ACO1: variants seen among roughly 807,000 people sequenced by gnomAD.
The protein encoded by ACO1 is aconitase 1, also known as cytoplasmic aconitate hydratase.
In ACO1, 78 loss-of-function variants were observed where a neutral mutation model predicts 105.1. The ratio of observed to expected loss-of-function variants is 0.74; its 90% CI spans 0.62 to 0.90. The LOEUF (loss-of-function observed/expected upper bound fraction) is 0.90. Among genes scored for constraint, ACO1 ranks in the 40% least tolerant of loss-of-function variants. The probability of loss-of-function intolerance (pLI) is 0.00; values close to 1 mark genes in which losing one functional copy is unlikely to be tolerated. For missense variants in ACO1, 965 were observed against 1,111.1 expected, an observed-to-expected ratio of 0.87 and a Z score of 1.87; for synonymous variants, 364 against 397.4, an observed-to-expected ratio of 0.92 and a Z score of 1.00.
chr9:32,450,308 T>A lies in ACO1; in HGVS notation c.*197T>A, dbSNP rs765920573. 7.5e-6 allele frequency: 5 copies of A among 669,342 alleles called. No individual in the cohort carries two copies. Among genetic ancestry groups the A allele is most frequent in the South Asian group, 1.6e-5 (1 of 63,228 alleles). The allele number at this position is 669,342 out of a possible 1,614,324, so 41.5% of individuals were successfully genotyped here. On this transcript the variant is annotated 3_prime_UTR_variant, in exon 21 of 21. Coordinates refer to ENST00000309951, the MANE Select transcript of ACO1 (RefSeq NM_002197.3). ...ACATTCTCTATTTTTGTTAATCATCTTCTCTTTTTCCAGAATTTGGAAGCT... is the reference window on the plus strand; with the variant it reads ...ACATTCTCTATTTTTGTTAATCATCATCTCTTTTTCCAGAATTTGGAAGCT...
chr9:32,425,282 C>T (rs1221090365), intron 10 of ACO1, among the ~76,000 whole-genome samples: 1 of 152,180 alleles, frequency 6.6e-6, no homozygotes, highest in African/African-American at 2.4e-5. Flanking sequence ...GGTAGATTTT[C>T]AATGAACATT....
rs994402725 is a variant in ACO1, at chr9:32,452,140, C to T, written c.*2029C>T. 1.3e-4 allele frequency: 20 copies of T among 152,178 alleles called. No homozygotes were observed. The highest frequency in any genetic ancestry group is 4.8e-4 in the African/African-American group (20 of 41,434). The allele number at this position is 152,178 out of a possible 1,614,324, so 9.4% of individuals were successfully genotyped here. ...CTGTGATCCTCAAGTTAAGATCAGT[C>T]CTAGAATAAAAACACTAAGAATGGC... is the stretch of plus-strand genomic sequence containing the variant. On this transcript the variant is annotated 3_prime_UTR_variant, in exon 21 of 21. Coordinates refer to ENST00000309951, the MANE Select transcript of ACO1 (RefSeq NM_002197.3).
intron 9 of ACO1, among the ~76,000 whole-genome samples, chr9:32,423,777 G>C: frequency 6.6e-6 from 1 of 152,132 alleles, no homozygotes; most frequent in East Asian, 1.9e-4. Flanking sequence ...GGAGGTGAAG[G>C]ATAAAAGATT....
At chr9:32,402,727 C>T (rs1178968146) in intron 1 of ACO1, among the ~76,000 whole-genome samples, 1 of 152,206 alleles carries the variant, frequency 6.6e-6, no homozygotes, top group Non-Finnish European at 1.5e-5. Context: ...GATCTTTCTT[C>T]TCACACCTCT....
chr9:32,392,488 G>A (rs1325198625), intron 1 of ACO1, among the ~76,000 whole-genome samples: 1 of 152,162 alleles, frequency 6.6e-6, no homozygotes, highest in Non-Finnish European at 1.5e-5. Context: ...GCACTCATGG[G>A]ATAATGCCTG....
At chr9:32,433,639 T>C in intron 15 of ACO1, 89 bp from the exon 16 acceptor site, 1 of 982,980 alleles carries the variant, frequency 1.0e-6, no homozygotes. Context: ...TTAGTGTACC[T>C]TTTAGCTTGA....
chr9:32,415,549 C>CT (rs1161459506), intron 4 of ACO1, among the ~76,000 whole-genome samples: 1 of 152,146 alleles, frequency 6.6e-6, no homozygotes, highest in Non-Finnish European at 1.5e-5. Context: ...AAACATAGAT[C>CT]TGGACGTAGA....
intron 4 of ACO1, among the ~76,000 whole-genome samples, chr9:32,414,506 G>A (rs947676164): frequency 6.6e-6 from 1 of 152,164 alleles, no homozygotes; most frequent in East Asian, 1.9e-4. Flanking sequence ...GTTTTACCTG[G>A]AATTACTGTA....
chr9:32,418,379 A>G lies in ACO1; in HGVS notation c.526A>G (p.Ile176Val), dbSNP rs766152770. Residue 176 changes from isoleucine (I) to valine (V), a missense_variant, in exon 6 of 21, where the codon ATC (isoleucine) becomes GTC (valine). Physicochemically the swap from Ile to Val is conservative, Grantham distance 29. Coordinates refer to ENST00000309951, the MANE Select transcript of ACO1 (RefSeq NM_002197.3). ...NMRIIPPGSGIIHQVNLEYLA... is the reference protein window; with the variant it reads ...NMRIIPPGSGVIHQVNLEYLA... Reference sequence around the variant, plus strand: ...GCGGATTATTCCCCCTGGCTCAGGAATCATCCACCAGGTGAATTTGGAATA... The same window carrying G: ...GCGGATTATTCCCCCTGGCTCAGGAGTCATCCACCAGGTGAATTTGGAATA... 1.2e-6 allele frequency: 2 copies of G among 1,614,064 alleles called. No individual in the cohort carries two copies. Among genetic ancestry groups the G allele is most frequent in the African/African-American group, 1.3e-5 (1 of 74,906 alleles).
rs997724179 is a variant in ACO1, at chr9:32,453,989, A to G, written c.*3878A>G. ...GAAATTCGTAGTTTTATTTTACGGC[A>G]TAATGAAACAGAGTTCCAGACATGT... On this transcript the variant is annotated 3_prime_UTR_variant, in exon 21 of 21. Transcript: ENST00000309951. The G allele has an allele frequency of 1.3e-5, 2 of 152,260 alleles. No homozygotes were observed. The highest frequency in any genetic ancestry group is 2.9e-5 in the Non-Finnish European group (2 of 68,048). 9.4% of individuals were successfully genotyped at this position (152,260 alleles called of 1,614,324 possible).
rs750556772 is a variant in ACO1, at chr9:32,418,473, AC to A, written c.621del (p.His207GlnfsTer4). On this transcript the variant is annotated frameshift_variant, in exon 6 of 21. Coordinates refer to ENST00000309951, the MANE Select transcript of ACO1 (RefSeq NM_002197.3). LOFTEE classifies it high-confidence loss of function. ...YPDSLVGTDS[H>X]TTMIDGLGIL... ...GACAGCCTCGTGGGCACAGACTCGC[AC>A]ACTACCATGATTGATGGCTTGGGCA... The A allele has an allele frequency of 2.5e-6, 4 of 1,614,184 alleles. No homozygotes were observed. The highest frequency in any genetic ancestry group is 2.5e-6 in the Non-Finnish European group (3 of 1,180,016).
chr9:32,429,555 A>G, intron 13 of ACO1, 52 bp downstream of exon 13: 1 of 1,474,752 alleles, frequency 6.8e-7, no homozygotes, highest in South Asian at 1.2e-5. Flanking sequence ...CTTTTCATGT[A>G]ATGTGACAAA....
chr9:32,406,126 GTTTTA>G (rs1028823442), intron 2 of ACO1, among the ~76,000 whole-genome samples: 16 of 150,772 alleles, frequency 1.1e-4, no homozygotes, highest in African/African-American at 3.7e-4. Context: ...AATTAATATT[GTTTTA>G]TTTTAGGAAC....
Position 32,398,490 on chromosome 9 carries a change from T to C in ACO1, c.-22-6995T>C, listed in dbSNP as rs374624489. Among the ~76,000 whole-genome samples the C allele has an allele frequency of 5.1e-4, 77 of 152,254 alleles. No homozygotes were observed. In the South Asian group the frequency reaches 0.015, roughly 30 times the overall value. On this transcript the variant is annotated intron_variant, in intron 1 of 20. Transcript: ENST00000309951. ...GCATCCATCCATATGCTATGTGCAG[T>C]CTCCCTCACAAAACCTGTTTACAAG...
chr9:32,448,869 G>A (rs1427178865), intron 19 of ACO1, 27 bp from the exon 20 acceptor site: 3 of 1,613,822 alleles, frequency 1.9e-6, no homozygotes, highest in South Asian at 1.1e-5. Flanking sequence ...TTGGAAGTAT[G>A]TCTAAACTAC....
chr9:32,408,679 G>A (rs773625616), intron 4 of ACO1, 28 bp downstream of exon 4: 1 of 1,607,878 alleles, frequency 6.2e-7, no homozygotes, highest in South Asian at 1.1e-5. Context: ...ATACCTGAGT[G>A]TTCTGCTTTG....
At chr9:32,436,201 A>C in intron 17 of ACO1, 49 bp from the exon 18 acceptor site, 1 of 1,612,108 alleles carries the variant, frequency 6.2e-7, no homozygotes, top group South Asian at 1.1e-5. Flanking sequence ...GCTAAGGTTA[A>C]TCTTTGCTTG....
chr9:32,449,788 A>G (rs943642596), intron 20 of ACO1, among the ~76,000 whole-genome samples: 3 of 152,158 alleles, frequency 2.0e-5, no homozygotes, highest in South Asian at 2.1e-4. Flanking sequence ...TCAAACTGTA[A>G]TGGGCAAAGC....
chr9:32,444,962 A>C (rs1822566540), intron 19 of ACO1, among the ~76,000 whole-genome samples: 1 of 152,196 alleles, frequency 6.6e-6, no homozygotes, highest in South Asian at 2.1e-4. Context: ...CCAGGGATGA[A>C]GCCCACTTGA....
Sources: gnomAD v4.1 joint callset for allele counts (sites outside exome capture counted in the v4.1 genomes callset) on GRCh38, gnomAD v4.1.1 for gene constraint, MANE v1.5 for transcripts, NCBI Gene and HGNC (gene_info 2026-07-23, HGNC 2026-07-21) for gene names.